UROD: variants seen among roughly 807,000 people sequenced by gnomAD.
The protein encoded by UROD is uroporphyrinogen decarboxylase.
A neutral mutation model predicts 47.1 loss-of-function variants in UROD; 34 were observed. That is an observed-to-expected ratio of 0.72 (90% CI 0.55 to 0.96). The LOEUF is 0.96. Among genes scored for constraint, UROD ranks in the 40% least tolerant of loss-of-function variants. The probability of loss-of-function intolerance (pLI) is 0.00; values close to 1 mark genes in which losing one functional copy is unlikely to be tolerated. For missense variants in UROD, 381 were observed against 471.8 expected (o/e 0.81, Z 1.78); for synonymous variants, 148 against 175.8 (o/e 0.84, Z 1.25).
At chr1:45,015,309 T>A in intron 9 of UROD, 28 bp from the exon 10 acceptor site, 1 of 1,613,120 alleles carries the variant, frequency 6.2e-7, no homozygotes, top group Non-Finnish European at 8.5e-7. Context: ...CTGGTCCTCC[T>A]GTAGCCAGTG....
At position 45,013,022 on chromosome 1, in the gene UROD, A is replaced by G. The variant is rs769129547; in HGVS notation, c.133+3A>G. 5.6e-6 allele frequency: 9 copies of G among 1,614,082 alleles called. No homozygotes were observed. The highest frequency in any genetic ancestry group is 6.8e-6 in the Non-Finnish European group (8 of 1,179,990). On this transcript the variant is annotated splice_donor_region_variant and intron_variant, in intron 2 of 9. Transcript: ENST00000246337. This position sits in a 1 kb window ranked among gnomAD's most constrained non-coding sequence, Gnocchi z 4.2. ...CCAGGCAGGCCGTTACTTACCAGGT[A>G]AGAGTCAGGGTCTGGAAATCTAGAT...
chr1:45,014,875 G>A, intron 8 of UROD, 39 bp downstream of exon 8: 1 of 1,614,194 alleles, frequency 6.2e-7, no homozygotes, highest in Non-Finnish European at 8.5e-7. Flanking sequence ...GTTGAGGTGG[G>A]GGTGTTGGCT....
At chr1:45,014,097 G>A in intron 6 of UROD, 27 bp downstream of exon 6, 5 of 1,614,108 alleles carry the variant, frequency 3.1e-6, no homozygotes, top group East Asian at 2.2e-5. Context: ...AGAGAAATAG[G>A]CTGGGATTTG....
chr1:45,013,611 G>A lies in UROD; in HGVS notation c.294G>A (p.Val98=). ...LVVPQALGME[V]TMVPGKGPSF... ...CCCTCCAGGCACTGGGCATGGAGGT[G>A]ACCATGGTACCTGGCAAAGGACCCA... Residue 98 remains valine, a synonymous_variant, in exon 5 of 10, where the codon GTG becomes GTA. Transcript: ENST00000246337. The surrounding 1 kb of genome is among the most constrained non-coding windows in gnomAD (Gnocchi z 4.2). 1 of 1,614,036 alleles carries A rather than the reference G, an allele frequency of 6.2e-7. No individual in the cohort carries two copies.
chr1:45,013,074 G>A lies in UROD; in HGVS notation c.133+55G>A, dbSNP rs2148982244. 1 of 1,614,104 alleles carries A rather than the reference G, an allele frequency of 6.2e-7. No homozygotes were observed. Among genetic ancestry groups the A allele is most frequent in the South Asian group, 1.1e-5 (1 of 91,078 alleles). ...AAACTCCGGAGGGAGAAAAGTTTTCGAGGGGCAGGGGAGGGCTCTGGAGGG... is the reference window on the plus strand; with the variant it reads ...AAACTCCGGAGGGAGAAAAGTTTTCAAGGGGCAGGGGAGGGCTCTGGAGGG... On this transcript the variant is annotated intron_variant, in intron 2 of 9. Transcript: ENST00000246337. This position sits in a 1 kb window ranked among gnomAD's most constrained non-coding sequence, Gnocchi z 4.2.
At chr1:45,015,063 GTAT>G in intron 9 of UROD, 57 bp downstream of exon 9, 1 of 1,608,732 alleles carries the variant, frequency 6.2e-7, no homozygotes. Context: ...GGCTGTGGCT[GTAT>G]TATTCTGTGT....
chr1:45,014,390 A>G, intron 6 of UROD, 49 bp from the exon 7 acceptor site: 1 of 1,613,492 alleles, frequency 6.2e-7, no homozygotes, highest in Non-Finnish European at 8.5e-7. Flanking sequence ...ATGTGGGGGA[A>G]ACTTCCTCTT....
In UROD at chr1:45,012,889, C is replaced by A. The variant is rs940786408; in HGVS notation, c.21-18C>A. The A allele has an allele frequency of 7.4e-6, 12 of 1,613,318 alleles. No individual in the cohort carries two copies. The highest frequency in any genetic ancestry group is 9.3e-6 in the Non-Finnish European group (11 of 1,179,780). ...CGTAGCATACTGACACCTACCCCCA[C>A]CCCCACCTGATCGCCAGACCTCAGG... is the stretch of plus-strand genomic sequence containing the variant. On this transcript the variant is annotated intron_variant, in intron 1 of 9. Transcript: ENST00000246337.
Position 45,013,723 on chromosome 1 carries a change from CA to C in UROD, c.408del (p.Ala137ProfsTer15). ...VVASELGYVFQAITLTRQRLA... is the reference protein window; with the variant it reads ...VVASELGYVFXAITLTRQRLA... ...AGCCTCTGAGCTAGGCTATGTGTTCCAAGCCATCACCCTTACCCGACAACGA... is the reference window on the plus strand; with the variant it reads ...AGCCTCTGAGCTAGGCTATGTGTTCCAGCCATCACCCTTACCCGACAACGA... On this transcript the variant is annotated frameshift_variant, in exon 5 of 10. Transcript: ENST00000246337. LOFTEE classifies it high-confidence loss of function. This position sits in a 1 kb window ranked among gnomAD's most constrained non-coding sequence, Gnocchi z 4.2. 6.2e-7 allele frequency: 1 copy of C among 1,614,128 alleles called. No homozygotes were observed. The highest frequency in any genetic ancestry group is 1.1e-5 in the South Asian group (1 of 91,082).
chr1:45,014,514 C>T lies in UROD; in HGVS notation c.712C>T (p.Arg238Cys), dbSNP rs372890845. Residue 238 changes from arginine to cysteine, a missense_variant, in exon 7 of 10, where the codon CGT (arginine) becomes TGT (cysteine). Transcript: ENST00000246337. ...CAACAAGTTTGCACTGCCTTACATCCGTGATGTGGCCAAGCAAGTGAAGGC... is the reference window on the plus strand; with the variant it reads ...CAACAAGTTTGCACTGCCTTACATCTGTGATGTGGCCAAGCAAGTGAAGGC... Reference protein sequence around the residue: ...LFNKFALPYIRDVAKQVKARL... With the variant: ...LFNKFALPYICDVAKQVKARL... The T allele has an allele frequency of 5.0e-5, 81 of 1,614,070 alleles. No homozygotes were observed. The highest frequency in any genetic ancestry group is 5.9e-5 in the Non-Finnish European group (70 of 1,180,046).
chr1:45,014,911 C>T, intron 8 of UROD, 29 bp from the exon 9 acceptor site: 1 of 1,614,136 alleles, frequency 6.2e-7, no homozygotes, highest in East Asian at 2.2e-5. Context: ...TATGCAGTTA[C>T]CAGAACGTGG....
Position 45,014,282 on chromosome 1 carries a change from T to C in UROD, c.637-157T>C, listed in dbSNP as rs1644830153. 2.9e-6 allele frequency: 4 copies of C among 1,356,780 alleles called. No homozygotes were observed. In the African/African-American group the frequency reaches 5.9e-5, roughly 20 times the overall value. 84.0% of individuals were successfully genotyped at this position (1,356,780 alleles called of 1,614,324 possible). A position where few individuals can be genotyped will look rare whatever the true frequency, so the allele number is the denominator to read the frequency against. On this transcript the variant is annotated intron_variant, in intron 6 of 9. Coordinates refer to ENST00000246337, the MANE Select transcript of UROD (RefSeq NM_000374.5). ...AGACACCAAAGTTAGTGCTGGGATC[T>C]GAGGAAAGTAAATTTTTTTTTTTTT...
chr1:45,014,166 C>T, intron 6 of UROD, 96 bp downstream of exon 6: 1 of 1,581,860 alleles, frequency 6.3e-7, no homozygotes, highest in South Asian at 1.1e-5. Context: ...GTCTTAATGC[C>T]AGGGATGAAA....
intron 6 of UROD, 95 bp downstream of exon 6, chr1:45,014,165 C>G (rs1369364390): frequency 6.3e-7 from 1 of 1,580,540 alleles, no homozygotes; most frequent in Non-Finnish European, 8.7e-7. Context: ...GGTCTTAATG[C>G]CAGGGATGAA....
chr1:45,015,103 C>A, intron 9 of UROD, 97 bp downstream of exon 9: 1 of 1,579,000 alleles, frequency 6.3e-7, no homozygotes, highest in East Asian at 2.2e-5. Flanking sequence ...TCTGTCTGTC[C>A]TTTTCTTCTA....
At chr1:45,014,312 A>G in intron 6 of UROD, 127 bp from the exon 7 acceptor site, 1 of 1,474,060 alleles carries the variant, frequency 6.8e-7, no homozygotes, top group South Asian at 1.2e-5. Context: ...TTTTTTAATT[A>G]CTGGGTTTTT....
At position 45,013,654 on chromosome 1, in the gene UROD, A is replaced by G. The variant is rs774699967; in HGVS notation, c.337A>G (p.Arg113Gly). ...GKGPSFPEPL[R>G]EEQDLERLRD... ...AGGACCCAGCTTCCCAGAGCCATTAAGAGAAGAGCAGGACCTAGAACGCCT... is the reference window on the plus strand; with the variant it reads ...AGGACCCAGCTTCCCAGAGCCATTAGGAGAAGAGCAGGACCTAGAACGCCT... The change falls in exon 5 of 10, where the codon AGA (arginine) becomes GGA (glycine). Residue 113 changes from arginine (R) to glycine (G), a missense_variant. Physicochemically the swap from Arg to Gly is moderately radical, Grantham distance 125. Transcript: ENST00000246337. The surrounding 1 kb of genome is among the most constrained non-coding windows in gnomAD (Gnocchi z 4.2). The G allele has an allele frequency of 2.5e-6, 4 of 1,614,110 alleles. No individual in the cohort carries two copies. In the Admixed American group the frequency reaches 6.7e-5, roughly 27 times the overall value.
rs772896898 is a variant in UROD, at chr1:45,012,887, C to A, written c.21-20C>A. 6.2e-6 allele frequency: 10 copies of A among 1,613,254 alleles called. No individual in the cohort carries two copies. Among genetic ancestry groups the A allele is most frequent in the Admixed American group, 1.7e-5 (1 of 59,948 alleles). On this transcript the variant is annotated intron_variant, in intron 1 of 9. Transcript: ENST00000246337. ...AGCGTAGCATACTGACACCTACCCC[C>A]ACCCCCACCTGATCGCCAGACCTCA...
In UROD at chr1:45,014,937, C is replaced by T. The variant is rs1385282618; in HGVS notation, c.876-3C>T. On this transcript the variant is annotated splice_region_variant and splice_polypyrimidine_tract_variant and intron_variant, in intron 8 of 9. Coordinates refer to ENST00000246337, the MANE Select transcript of UROD (RefSeq NM_000374.5). ...CAGAACGTGGCGCTGGCTTTGCTTC[C>T]AGGGAGTGTGTGGGGAAGACGGTGA... is the stretch of plus-strand genomic sequence containing the variant. 1 of 1,614,026 alleles carries T rather than the reference C, an allele frequency of 6.2e-7. No homozygotes were observed. Among genetic ancestry groups the T allele is most frequent in the African/African-American group, 1.3e-5 (1 of 74,916 alleles).
Sources: allele counts gnomAD v4.1 joint callset, GRCh38; gene constraint gnomAD v4.1.1; non-coding constraint Gnocchi (gnomAD v3.1); transcripts MANE v1.5; gene names NCBI Gene and HGNC (gene_info 2026-07-23, HGNC 2026-07-21).